AHSA1: variants seen among roughly 807,000 people sequenced by gnomAD.
The protein encoded by AHSA1 is activator of 90 kDa heat shock protein ATPase homolog 1.
AHSA1 carries 14 observed loss-of-function variants against 46.1 expected under a neutral mutation model. The observed-to-expected ratio is 0.30, with a 90% CI of 0.20 to 0.47. The LOEUF (loss-of-function observed/expected upper bound fraction) is 0.47, where lower values mean the gene tolerates loss of function less well. AHSA1 is among the 20% of genes least tolerant of loss of function. The probability of loss-of-function intolerance (pLI) is 0.99; values close to 1 mark genes in which losing one functional copy is unlikely to be tolerated. For missense variants in AHSA1, 333 were observed against 415.9 expected, an observed-to-expected ratio of 0.80 and a Z score of 1.73; for synonymous variants, 147 against 145.8, an observed-to-expected ratio of 1.01 and a Z score of -0.06.
Position 77,458,253 on chromosome 14 carries a change from G to T in AHSA1, c.64G>T (p.Val22Phe), listed in dbSNP as rs1291284753. Residue 22 changes from valine to phenylalanine, a missense_variant, in exon 1 of 9, where the codon GTC becomes TTC. Physicochemically the swap from Val to Phe is conservative, Grantham distance 50. Transcript: ENST00000216479. ...IVEERADATN[V>F]NNWHWTERDA... ...GGAGGAGCGGGCGGACGCCACCAAC[G>T]TCAACAACTGGCACTGGTGAGGGCC... 6.5e-7 allele frequency: 1 copy of T among 1,547,906 alleles called. No individual in the cohort carries two copies.
chr14:77,462,105 G>A (rs2079027917), intron 2 of AHSA1, 55 bp from the exon 3 acceptor site: 3 of 1,375,318 alleles, frequency 2.2e-6, no homozygotes, highest in Middle Eastern at 1.8e-4. Flanking sequence ...GGACCCTGGA[G>A]CAGAGACCTT....
Position 77,459,659 on chromosome 14 carries a change from A to C in AHSA1, c.124A>C (p.Thr42Pro), listed in dbSNP as rs1438654405. Residue 42 changes from threonine to proline, a missense_variant, in exon 2 of 9, where the codon ACA becomes CCA. Physicochemically the swap from Thr to Pro is conservative, Grantham distance 38. Coordinates refer to ENST00000216479, the MANE Select transcript of AHSA1 (RefSeq NM_012111.3). ...AAATTGGTCCACGGATAAGCTGAAAACACTGTTCCTGGCAGTGCAGGTTCA... is the reference window on the plus strand; with the variant it reads ...AAATTGGTCCACGGATAAGCTGAAACCACTGTTCCTGGCAGTGCAGGTTCA... ...ASNWSTDKLK[T>P]LFLAVQVQNE... 6.2e-7 allele frequency: 1 copy of C among 1,614,092 alleles called. No individual in the cohort carries two copies. The highest frequency in any genetic ancestry group is 1.3e-5 in the African/African-American group (1 of 74,922).
chr14:77,458,694 T>TTC, intron 1 of AHSA1, among the ~76,000 whole-genome samples: 1 of 152,290 alleles, frequency 6.6e-6, no homozygotes, highest in Non-Finnish European at 1.5e-5. Flanking sequence ...TTAAAAGTCA[T>TTC]TCATAGGGGA....
chr14:77,467,937 A>G (rs1459621127), intron 6 of AHSA1, 146 bp from the exon 7 acceptor site: 1 of 570,914 alleles, frequency 1.8e-6, no homozygotes. Context: ...AACAGAATAG[A>G]GGGACACCCT....
intron 8 of AHSA1, 54 bp downstream of exon 8, chr14:77,468,562 ATTTTT>A (rs36001778): frequency 3.2e-5 from 35 of 1,090,672 alleles, no homozygotes; most frequent in Admixed American, 5.0e-5. Flanking sequence ...CTTTGCTGTA[ATTTTT>A]TTTTTTTTTT....
chr14:77,465,763 T>G, intron 6 of AHSA1, 96 bp downstream of exon 6: 2 of 1,282,958 alleles, frequency 1.6e-6, no homozygotes, highest in Non-Finnish European at 2.1e-6. Flanking sequence ...GAAGAGGTAC[T>G]CACAAACTCA....
chr14:77,461,067 G>C (rs1461794884), intron 2 of AHSA1, among the ~76,000 whole-genome samples: 1 of 151,782 alleles, frequency 6.6e-6, no homozygotes, highest in Non-Finnish European at 1.5e-5. Context: ...GCTGAGGCAG[G>C]AGAATCGCTT....
At chr14:77,463,585 CAA>C (rs565353457) in intron 4 of AHSA1, among the ~76,000 whole-genome samples, 7 of 75,084 alleles carry the variant, frequency 9.3e-5, no homozygotes, top group Non-Finnish European at 1.4e-4. Context: ...GACTCCATCT[CAA>C]AAAAAAAAAA....
In AHSA1 at chr14:77,462,018, C is replaced by T. The variant is rs577972495; in HGVS notation, c.272-142C>T. 368 of 596,880 alleles carry T rather than the reference C, an allele frequency of 6.2e-4. 1 individual carries two copies. Among genetic ancestry groups the T allele is most frequent in the East Asian group, 4.1e-3 (145 of 35,536 alleles). The allele number at this position is 596,880 out of a possible 1,614,324, so 37.0% of individuals were successfully genotyped here. A position where few individuals can be genotyped will look rare whatever the true frequency, so the allele number is the denominator to read the frequency against. On this transcript the variant is annotated intron_variant, in intron 2 of 8. Transcript: ENST00000216479. ...CTTTTGGGGGTGCGGGTGTTGATTGCATCTGGCATGTGGCATTCTCAGAAT... is the reference window on the plus strand; with the variant it reads ...CTTTTGGGGGTGCGGGTGTTGATTGTATCTGGCATGTGGCATTCTCAGAAT...
chr14:77,460,893 C>T (rs892936368), intron 2 of AHSA1, among the ~76,000 whole-genome samples: 11 of 152,010 alleles, frequency 7.2e-5, no homozygotes, highest in Non-Finnish European at 1.2e-4. Context: ...GGCGTGGTGG[C>T]TAACGCCTGT....
chr14:77,464,145 G>A (rs2079037932), intron 4 of AHSA1, among the ~76,000 whole-genome samples: 1 of 152,204 alleles, frequency 6.6e-6, no homozygotes, highest in South Asian at 2.1e-4. Context: ...TTTGGAGGCC[G>A]AGGCTAGTAG....
At chr14:77,463,414 C>A (rs2079034064) in intron 4 of AHSA1, among the ~76,000 whole-genome samples, 1 of 151,892 alleles carries the variant, frequency 6.6e-6, no homozygotes. Context: ...TAGAGAAACC[C>A]CATCTCTACT....
At chr14:77,463,597 AAAC>A (rs1158044127) in intron 4 of AHSA1, among the ~76,000 whole-genome samples, 738 of 56,066 alleles carry the variant, frequency 0.013, 19 homozygotes, top group East Asian at 0.068. Context: ...AAAAAAAAAA[AAAC>A]AAAAAAAAAA....
At chr14:77,464,369 A>G (rs11624200) in intron 4 of AHSA1, among the ~76,000 whole-genome samples, 65,526 of 151,934 alleles carry the variant, frequency 0.43, 16,721 homozygotes, top group East Asian at 0.92. Flanking sequence ...GCAAGACTCC[A>G]TCTCAAAAAA....
chr14:77,468,247 T>C (rs776209456), intron 7 of AHSA1, 63 bp downstream of exon 7: 8 of 1,237,862 alleles, frequency 6.5e-6, no homozygotes, highest in Non-Finnish European at 9.1e-6. Context: ...ACATTTCTCT[T>C]TTTCTGAACT....
rs572116649 is a variant in AHSA1, at chr14:77,468,721, C to CTT, written c.844+236_844+237dup. On this transcript the variant is annotated intron_variant, in intron 8 of 8. Transcript: ENST00000216479. ...GAGACTACGTGTGCCACCATGCCAG[C>CTT]TTTTTTTTTTTTTTTTTTTTTTTTA... The CTT allele has an allele frequency of 8.4e-3, 1,868 of 222,992 alleles. 11 individuals carry two copies. Among genetic ancestry groups the CTT allele is most frequent in the South Asian group, 0.02 (315 of 15,580 alleles). The allele number at this position is 222,992 out of a possible 1,614,324, so 13.8% of individuals were successfully genotyped here.
In AHSA1 at chr14:77,469,245, T is replaced by C; in HGVS notation, c.1013T>C (p.Phe338Ser). 3.1e-6 allele frequency: 5 copies of C among 1,613,678 alleles called. No individual in the cohort carries two copies. Among genetic ancestry groups the C allele is most frequent in the Non-Finnish European group, 4.2e-6 (5 of 1,179,724 alleles). ...ACCTTTGGCTATGGCGCACGCTTAT[T>C]TTAGGGCCAGCGGCAGGGGACTCCA... ...KQTFGYGARL[F>S] Residue 338 changes from phenylalanine to serine, a missense_variant, in exon 9 of 9, where the codon TTT becomes TCT. Physicochemically the swap from Phe to Ser is radical, Grantham distance 155. Transcript: ENST00000216479.
intron 2 of AHSA1, 174 bp downstream of exon 2, chr14:77,459,980 A>T (rs2079014664): frequency 2.9e-6 from 2 of 695,930 alleles, no homozygotes; most frequent in Admixed American, 5.2e-5. Flanking sequence ...CCATTGTGGG[A>T]TGCTAAATGG....
rs756053898 is a variant in AHSA1 at position 77,469,195 on chromosome 14, G to T, written c.963G>T (p.Arg321=). Reference sequence around the variant, plus strand: ...AGCGGACGCGACAGGGCTGGCAGCGGTACTACTTTGAGGGCATTAAACAGA... The same window carrying T: ...AGCGGACGCGACAGGGCTGGCAGCGTTACTACTTTGAGGGCATTAAACAGA... ...EEERTRQGWQ[R]YYFEGIKQTF... Residue 321 remains arginine, a synonymous_variant, in exon 9 of 9, where the codon CGG becomes CGT. Transcript: ENST00000216479. 2.5e-6 allele frequency: 4 copies of T among 1,613,968 alleles called. No individual in the cohort carries two copies. The highest frequency in any genetic ancestry group is 1.7e-5 in the Admixed American group (1 of 59,988).
Sources: gnomAD v4.1 joint callset for allele counts (sites outside exome capture counted in the v4.1 genomes callset) on GRCh38, gnomAD v4.1.1 for gene constraint, MANE v1.5 for transcripts, NCBI Gene and HGNC (gene_info 2026-07-23, HGNC 2026-07-21) for gene names.